TRPC6: variants seen among roughly 807,000 people sequenced by gnomAD.
TRPC6 encodes the protein short transient receptor potential channel 6.
A neutral mutation model predicts 90.7 loss-of-function variants in TRPC6; 55 were observed. The observed-to-expected ratio is 0.61, with a 90% CI of 0.49 to 0.76. The LOEUF (loss-of-function observed/expected upper bound fraction) is 0.76, where lower values mean the gene tolerates loss of function less well. Among genes scored for constraint, TRPC6 ranks in the 30% least tolerant of loss-of-function variants. The pLI, the probability that TRPC6 is intolerant of heterozygous loss-of-function variation, is 0.00. For missense variants in TRPC6, 989 were observed against 1,122.7 expected, an observed-to-expected ratio of 0.88 and a Z score of 1.70; for synonymous variants, 393 against 393.0, an observed-to-expected ratio of 1.00 and a Z score of 0.00.
At position 101,476,474 on chromosome 11, in the gene TRPC6, TCAAA is replaced by T. The variant is rs1859419893; in HGVS notation, c.1567_1570del (p.Phe523SerfsTer11). 1 of 1,613,998 alleles carries T rather than the reference TCAAA, an allele frequency of 6.2e-7. No individual in the cohort carries two copies. Among genetic ancestry groups the T allele is most frequent in the Admixed American group, 1.7e-5 (1 of 59,992 alleles). ...ACCAAAATCAAGCATGTTCCACAAC[TCAAA>T]CAAATATTCCTTGGGGCCCTGAGTC... On this transcript the variant is annotated frameshift_variant, in exon 6 of 13. Coordinates refer to ENST00000344327, the MANE Select transcript of TRPC6 (RefSeq NM_004621.6). LOFTEE classifies it high-confidence loss of function.
chr11:101,518,959 G>T (rs1050092403), intron 1 of TRPC6, among the ~76,000 whole-genome samples: 1 of 152,192 alleles, frequency 6.6e-6, no homozygotes, highest in African/African-American at 2.4e-5. Context: ...AGCTTTGCAT[G>T]TTCTCACTCA....
At chr11:101,582,448 C>T (rs554257818) in intron 1 of TRPC6, among the ~76,000 whole-genome samples, 34 of 152,256 alleles carry the variant, frequency 2.2e-4, no homozygotes, top group African/African-American at 8.2e-4. Context: ...GGCAATGGGA[C>T]AGAAATGCTA....
intron 5 of TRPC6, among the ~76,000 whole-genome samples, chr11:101,480,398 C>G (rs965481752): frequency 2.0e-5 from 3 of 152,076 alleles, no homozygotes; most frequent in African/African-American, 7.2e-5. Context: ...CAAGGCAGAA[C>G]CCACAGCTCC....
chr11:101,556,235 A>G (rs1400008134), intron 1 of TRPC6, among the ~76,000 whole-genome samples: 1 of 152,228 alleles, frequency 6.6e-6, no homozygotes, highest in Non-Finnish European at 1.5e-5. Context: ...AATAAATGAA[A>G]TAGAGACTAG....
intron 1 of TRPC6, among the ~76,000 whole-genome samples, chr11:101,562,480 T>C (rs1447823707): frequency 6.6e-6 from 1 of 152,170 alleles, no homozygotes; most frequent in Non-Finnish European, 1.5e-5. Context: ...TCTTTTTCAC[T>C]AGATATTTTT....
At chr11:101,489,448 A>C (rs942063937) in intron 3 of TRPC6, among the ~76,000 whole-genome samples, 1 of 152,162 alleles carries the variant, frequency 6.6e-6, no homozygotes, top group Non-Finnish European at 1.5e-5. Flanking sequence ...GATCAATATT[A>C]ACTCAGTTGC....
chr11:101,473,515 A>C lies in TRPC6; in HGVS notation c.2003T>G (p.Phe668Cys). 6.2e-7 allele frequency: 1 copy of C among 1,613,242 alleles called. No homozygotes were observed. Among genetic ancestry groups the C allele is most frequent in the Non-Finnish European group, 8.5e-7 (1 of 1,179,486 alleles). ...YYIGAKQNEA[F>C]TTVEESFKTL... ...AATATCTGAGATCACATACGTTGTG[A>C]AGGCTTCATTTTGTTTTGCACCAAT... Residue 668 changes from phenylalanine (F) to cysteine (C), a missense_variant, in exon 7 of 13, where the codon TTC (phenylalanine) becomes TGC (cysteine). Physicochemically the swap from Phe to Cys is radical, Grantham distance 205 (BLOSUM62 -2). Transcript: ENST00000344327.
intron 1 of TRPC6, among the ~76,000 whole-genome samples, chr11:101,562,178 C>A (rs1200000077): frequency 6.6e-6 from 1 of 151,752 alleles, no homozygotes; most frequent in Non-Finnish European, 1.5e-5. Context: ...AATGGATAAA[C>A]CTGGTCATAA....
intron 2 of TRPC6, among the ~76,000 whole-genome samples, chr11:101,502,148 TC>T (rs2136735263): frequency 6.6e-6 from 1 of 152,256 alleles, no homozygotes; most frequent in East Asian, 1.9e-4. Flanking sequence ...CAGAAGAATG[TC>T]CAGATCTTTA....
intron 1 of TRPC6, among the ~76,000 whole-genome samples, 190 bp from the exon 2 acceptor site, chr11:101,504,988 G>A (rs1198367165): frequency 6.6e-6 from 1 of 152,168 alleles, no homozygotes; most frequent in African/African-American, 2.4e-5. Context: ...GTCTAAGAAA[G>A]CCAAGCACTT....
chr11:101,494,346 G>T (rs1859894408), intron 2 of TRPC6, among the ~76,000 whole-genome samples: 1 of 152,140 alleles, frequency 6.6e-6, no homozygotes, highest in Non-Finnish European at 1.5e-5. Context: ...GAACACTGAG[G>T]CTTAGTGAGA....
intron 1 of TRPC6, among the ~76,000 whole-genome samples, chr11:101,573,920 A>ATGTGTGTGTG (rs1862016895): frequency 1.6e-5 from 1 of 63,774 alleles, no homozygotes; most frequent in Non-Finnish European, 3.6e-5. Flanking sequence ...AGAAACAAAT[A>ATGTGTGTGTG]CGTGTGTGTG....
intron 6 of TRPC6, 150 bp downstream of exon 6, chr11:101,476,151 C>T: frequency 1.5e-6 from 1 of 673,608 alleles, no homozygotes; most frequent in Non-Finnish European, 2.5e-6. Context: ...AAGCATGCTT[C>T]CTCACATATA....
chr11:101,548,699 T>G (rs1032518376), intron 1 of TRPC6, among the ~76,000 whole-genome samples: 1 of 151,622 alleles, frequency 6.6e-6, no homozygotes, highest in African/African-American at 2.4e-5. Context: ...AAAACTGAGA[T>G]GAAATGATTA....
intron 1 of TRPC6, among the ~76,000 whole-genome samples, chr11:101,558,063 A>C (rs1208452906): frequency 1.3e-5 from 2 of 151,968 alleles, no homozygotes; most frequent in African/African-American, 2.4e-5. Flanking sequence ...AAAAATCCTC[A>C]AATAGCCAAG....
At chr11:101,480,095 T>G (rs1292955701) in intron 5 of TRPC6, among the ~76,000 whole-genome samples, 11 of 152,112 alleles carry the variant, frequency 7.2e-5, no homozygotes. Context: ...GGAAAATTGC[T>G]TGAACCCGGG....
Position 101,483,102 on chromosome 11 carries a change from A to G in TRPC6, c.1357T>C (p.Phe453Leu). 6.2e-7 allele frequency: 1 copy of G among 1,614,074 alleles called. No homozygotes were observed. The highest frequency in any genetic ancestry group is 2.2e-5 in the East Asian group (1 of 44,878). Residue 453 changes from phenylalanine (F) to leucine (L), a missense_variant, in exon 5 of 13, where the codon TTT becomes CTT. Phe to Leu is a conservative substitution (Grantham distance 22, BLOSUM62 0). Transcript: ENST00000344327. ...GCATTCATGACTAGCAGTCCCAGAA[A>G]AATGGTGAAGGAGGCTGCGTGTGCT... ...FVAHAASFTI[F>L]LGLLVMNAAD...
intron 10 of TRPC6, among the ~76,000 whole-genome samples, chr11:101,466,305 A>C (rs576573243): frequency 9.8e-5 from 15 of 152,306 alleles, no homozygotes; most frequent in African/African-American, 3.4e-4. Flanking sequence ...AGCTGTGCCC[A>C]CAGCCGCCCC....
At chr11:101,519,367 G>C (rs537789276) in intron 1 of TRPC6, among the ~76,000 whole-genome samples, 128 of 151,840 alleles carry the variant, frequency 8.4e-4, no homozygotes, top group Admixed American at 2.0e-3. Flanking sequence ...AATCAAATAA[G>C]ATAAATAAAG....
Sources: allele counts gnomAD v4.1 joint callset (sites outside exome capture counted in the v4.1 genomes callset), GRCh38; gene constraint gnomAD v4.1.1; transcripts MANE v1.5; gene names NCBI Gene and HGNC (gene_info 2026-07-23, HGNC 2026-07-21).